Variants in BAHCC1 observed in about 807,000 individuals in gnomAD.
The protein encoded by BAHCC1 is BAH and coiled-coil domain-containing protein 1.
In BAHCC1, 43 loss-of-function variants were observed where a neutral mutation model predicts 88.2. The ratio of observed to expected loss-of-function variants is 0.49; its 90% CI spans 0.38 to 0.63. BAHCC1 has a LOEUF of 0.63. Among genes scored for constraint, BAHCC1 ranks in the 20% least tolerant of loss-of-function variants. The probability of loss-of-function intolerance (pLI) is 0.00; values close to 1 mark genes in which losing one functional copy is unlikely to be tolerated. For synonymous variants in BAHCC1, 1,510 were observed against 745.5 expected (o/e 2.03, Z -16.71); for missense variants, 3,023 against 1,654.8 (o/e 1.83, Z -14.34).
At chr17:81,441,283 G>C (rs1439525529) in intron 4 of BAHCC1, among the ~76,000 whole-genome samples, 1 of 152,222 alleles carries the variant, frequency 6.6e-6, no homozygotes, top group Non-Finnish European at 1.5e-5. Context: ...TGCACGGCAG[G>C]GGGAGTGTGC....
chr17:81,442,621 C>G lies in BAHCC1; in HGVS notation c.1272C>G (p.His424Gln). ...TGGCAGGGGAGGGCAAGGACCGGCA[C>G]CTGGAGGGAACCATGGCCCCCGACC... ...CAVAGEGKDR[H>Q]LEGTMAPDHA... Residue 424 changes from histidine (H) to glutamine (Q), a missense_variant, in exon 5 of 28, where the codon CAC becomes CAG. Coordinates refer to ENST00000675386, the MANE Select transcript of BAHCC1 (RefSeq NM_001377448.1). 1.3e-6 allele frequency: 1 copy of G among 776,668 alleles called. No individual in the cohort carries two copies. Among genetic ancestry groups the G allele is most frequent in the Non-Finnish European group, 2.4e-6 (1 of 416,618 alleles). The allele number at this position is 776,668 out of a possible 1,614,324, so 48.1% of individuals were successfully genotyped here.
rs2064541670 is a variant in BAHCC1, at chr17:81,447,023, C to T, written c.3164-13C>T. The T allele has an allele frequency of 5.1e-6, 4 of 778,794 alleles. No individual in the cohort carries two copies. The highest frequency in any genetic ancestry group is 5.1e-5 in the Admixed American group (3 of 58,996). 48.2% of individuals were successfully genotyped at this position (778,794 alleles called of 1,614,324 possible). On this transcript the variant is annotated splice_polypyrimidine_tract_variant and intron_variant, in intron 10 of 27. Transcript: ENST00000675386. ...ACTCCCAGCTCCCTGCTGACCTGTCCCCTCCTTTGCAGACCTGCCTCCCGG... is the reference window on the plus strand; with the variant it reads ...ACTCCCAGCTCCCTGCTGACCTGTCTCCTCCTTTGCAGACCTGCCTCCCGG...
chr17:81,408,380 G>A (rs2063906786), intron 2 of BAHCC1, among the ~76,000 whole-genome samples: 1 of 151,728 alleles, frequency 6.6e-6, no homozygotes, highest in South Asian at 2.1e-4. Flanking sequence ...GCTACCCCAG[G>A]CCCCACCTGC....
chr17:81,414,739 G>A (rs565255509), intron 2 of BAHCC1, among the ~76,000 whole-genome samples: 8 of 152,318 alleles, frequency 5.3e-5, no homozygotes, highest in Admixed American at 1.3e-4. Flanking sequence ...CCCGGGGTTC[G>A]TCACAGCCTC....
intron 2 of BAHCC1, among the ~76,000 whole-genome samples, chr17:81,424,720 GTGT>G (rs1407522590): frequency 1.1e-4 from 16 of 151,724 alleles, no homozygotes; most frequent in African/African-American, 3.9e-4. Flanking sequence ...AATGTGGTTG[GTGT>G]TGTGTGGTGG....
intron 3 of BAHCC1, among the ~76,000 whole-genome samples, chr17:81,429,682 C>G (rs902563249): frequency 2.0e-5 from 3 of 152,200 alleles, no homozygotes; most frequent in Non-Finnish European, 4.4e-5. Flanking sequence ...GGGCGGTTGG[C>G]CTTGCCCACG....
At position 81,455,893 on chromosome 17, in the gene BAHCC1, T is replaced by C. The variant is rs192241229; in HGVS notation, c.4570-404T>C. 7.9e-5 allele frequency among the ~76,000 whole-genome samples: 12 copies of C among 152,260 alleles called. No individual in the cohort carries two copies. The East Asian group carries it at 2.3e-3, about 29-fold the overall frequency. ...ACAGCTGCCTCCTGCCCCTCCTCTC[T>C]CCGTGGCCTCGGCGGGGCTGGTGAG... On this transcript the variant is annotated intron_variant, in intron 15 of 27. Coordinates refer to ENST00000675386, the MANE Select transcript of BAHCC1 (RefSeq NM_001377448.1).
rs1568042345 is a variant in BAHCC1, at chr17:81,464,623, CGT to C, written c.*808_*809del. Reference sequence around the variant, plus strand: ...CCAGACCAGGGAGTGTGACAACAGCCGTGAGCATCTCACCTGTGTTCAAAACA... The same window carrying C: ...CCAGACCAGGGAGTGTGACAACAGCCGAGCATCTCACCTGTGTTCAAAACA... On this transcript the variant is annotated 3_prime_UTR_variant, in exon 28 of 28. Transcript: ENST00000675386. 6.6e-6 allele frequency: 1 copy of C among 152,464 alleles called. No individual in the cohort carries two copies. The highest frequency in any genetic ancestry group is 2.4e-5 in the African/African-American group (1 of 41,432). The allele number at this position is 152,464 out of a possible 1,614,324, so 9.4% of individuals were successfully genotyped here.
chr17:81,427,005 C>T (rs1234474906), intron 3 of BAHCC1, 26 bp downstream of exon 3: 41 of 398,452 alleles, frequency 1.0e-4, no homozygotes, highest in East Asian at 7.1e-5. Flanking sequence ...GGGCTCCCAG[C>T]GACACCCTGG....
rs2030567620 is a variant in BAHCC1, at chr17:81,464,518, A to G, written c.*701A>G. The stretch of plus-strand genomic sequence containing the variant: ...AAGTCGGTCAAGTTTATTTGCTTTC[A>G]GTGCATCTCCTAGAAAAGAAGTGTT... On this transcript the variant is annotated 3_prime_UTR_variant, in exon 28 of 28. Transcript: ENST00000675386. 6.5e-6 allele frequency: 1 copy of G among 153,034 alleles called. No homozygotes were observed. The highest frequency in any genetic ancestry group is 1.5e-5 in the Non-Finnish European group (1 of 68,570). 9.5% of individuals were successfully genotyped at this position (153,034 alleles called of 1,614,324 possible). A position where few individuals can be genotyped will look rare whatever the true frequency, so the allele number is the denominator to read the frequency against.
rs1231619622 is a variant in BAHCC1, at chr17:81,459,510, G to C, written c.5811G>C (p.Arg1937=). The C allele has an allele frequency of 1.3e-6, 1 of 779,354 alleles. No homozygotes were observed. The highest frequency in any genetic ancestry group is 1.7e-5 in the Admixed American group (1 of 59,036). 48.3% of individuals were successfully genotyped at this position (779,354 alleles called of 1,614,324 possible). The part of the protein sequence containing the change: ...QLLQEAVLDV[R]PQSSRYLPPG... ...CGTTCCTGCAGGTTCTCGATGTGCG[G>C]CCACAGTCCAGCCGGTACCTCCCGC... Residue 1937 remains arginine, a synonymous_variant, in exon 23 of 28, where the codon CGG becomes CGC. Transcript: ENST00000675386.
chr17:81,457,810 C>CA (rs1568034181), intron 17 of BAHCC1, among the ~76,000 whole-genome samples: 1 of 44,616 alleles, frequency 2.2e-5, no homozygotes, highest in Non-Finnish European at 4.0e-5. Flanking sequence ...GCTGGGTAAC[C>CA]GGGGGGAGGG....
At chr17:81,422,979 CCA>C (rs2064132848) in intron 2 of BAHCC1, 1 of 290,700 alleles carries the variant, frequency 3.4e-6, no homozygotes, top group Non-Finnish European at 6.8e-6. Context: ...CCTTCCCAAC[CCA>C]GAGTCCCCTC....
In BAHCC1 at chr17:81,442,562, G is replaced by C. The variant is rs782350807; in HGVS notation, c.1213G>C (p.Gly405Arg). 1.3e-6 allele frequency: 1 copy of C among 754,644 alleles called. No individual in the cohort carries two copies. Among genetic ancestry groups the C allele is most frequent in the Non-Finnish European group, 2.5e-6 (1 of 405,200 alleles). 46.7% of individuals were successfully genotyped at this position (754,644 alleles called of 1,614,324 possible). A position where few individuals can be genotyped will look rare whatever the true frequency, so the allele number is the denominator to read the frequency against. The change falls in exon 5 of 28, where the codon GGC becomes CGC. Residue 405 changes from glycine to arginine, a missense_variant. Physicochemically the swap from Gly to Arg is moderately radical, Grantham distance 125. Coordinates refer to ENST00000675386, the MANE Select transcript of BAHCC1 (RefSeq NM_001377448.1). ...TTCTGTGGGACACCTGGCCGACAAG[G>C]GCCGCCCCTTCCAGGCCGCCGAGGC... Reference protein sequence around the residue: ...VPSVGHLADKGRPFQAAEACA... With the variant: ...VPSVGHLADKRRPFQAAEACA...
chr17:81,397,891 T>C (rs1055711693), intron 1 of BAHCC1, among the ~76,000 whole-genome samples: 2 of 152,230 alleles, frequency 1.3e-5, no homozygotes, highest in African/African-American at 4.8e-5. Flanking sequence ...CGAATAAATA[T>C]TAAAAAAGCT....
chr17:81,415,395 C>T (rs1192004351), intron 2 of BAHCC1: 1 of 350,258 alleles, frequency 2.9e-6, no homozygotes, highest in Non-Finnish European at 5.7e-6. Context: ...GTGAACCACG[C>T]CTTGAGACAC....
chr17:81,416,776 G>T (rs1342870255), intron 2 of BAHCC1, among the ~76,000 whole-genome samples: 1 of 152,196 alleles, frequency 6.6e-6, no homozygotes, highest in African/African-American at 2.4e-5. Context: ...CATTGACGTC[G>T]CCTGTTTGGG....
chr17:81,417,274 C>T lies in BAHCC1; in HGVS notation c.179-9526C>T, dbSNP rs113218153. Among the ~76,000 whole-genome samples, 461 of 152,262 alleles carry T rather than the reference C, an allele frequency of 3.0e-3. 4 individuals are homozygous for T. Among genetic ancestry groups the T allele is most frequent in the African/African-American group, 0.01 (435 of 41,556 alleles). On this transcript the variant is annotated intron_variant, in intron 2 of 27. Transcript: ENST00000675386. The stretch of plus-strand genomic sequence containing the variant: ...AGACTCATCCAGCTGCGGGGGGCGG[C>T]GCCGAGGGAGTGGCGCTGACCACCC...
At chr17:81,406,571 C>T (rs782139060) in intron 2 of BAHCC1, among the ~76,000 whole-genome samples, 41 of 152,260 alleles carry the variant, frequency 2.7e-4, no homozygotes, top group Non-Finnish European at 5.3e-4. Context: ...GGGCGTGGGA[C>T]CGCACTCCGC....
Sources: allele counts gnomAD v4.1 joint callset (sites outside exome capture counted in the v4.1 genomes callset), GRCh38; gene constraint gnomAD v4.1.1; transcripts MANE v1.5; gene names NCBI Gene and HGNC (gene_info 2026-07-23, HGNC 2026-07-21).